The following WWC1 variants were observed in gnomAD, a reference collection of about 807,000 sequenced individuals.
The protein encoded by WWC1 is WW and C2 domain containing 1.
WWC1 carries 55 observed loss-of-function variants against 138.4 expected under a neutral mutation model. The ratio of observed to expected loss-of-function variants is 0.40; its 90% CI spans 0.32 to 0.50. The LOEUF (loss-of-function observed/expected upper bound fraction) is 0.50. WWC1 is among the 20% of genes least tolerant of loss of function. WWC1 has a pLI of 0.72. For synonymous variants in WWC1, 524 were observed against 564.9 expected (o/e 0.93, Z 1.03); for missense variants, 1,226 against 1,420.4 (o/e 0.86, Z 2.20).
At chr5:168,367,424 C>T (rs925508432) in intron 1 of WWC1, among the ~76,000 whole-genome samples, 13 of 151,786 alleles carry the variant, frequency 8.6e-5, no homozygotes, top group African/African-American at 2.7e-4. Context: ...CTCCGCCTCC[C>T]GGGTTCACGC....
intron 17 of WWC1, among the ~76,000 whole-genome samples, chr5:168,451,581 G>A (rs2337220): frequency 0.11 from 16,594 of 152,018 alleles, 1,267 homozygotes; most frequent in Non-Finnish European, 0.16. Context: ...CGTGCCTGTA[G>A]TACTAGCTAC....
At chr5:168,402,307 A>G (rs1318106624) in intron 5 of WWC1, among the ~76,000 whole-genome samples, 1 of 152,226 alleles carries the variant, frequency 6.6e-6, no homozygotes, top group Non-Finnish European at 1.5e-5. Context: ...AGGGTCAGGA[A>G]TGTAGTCTTG....
chr5:168,359,232 A>G (rs947811896), intron 1 of WWC1, among the ~76,000 whole-genome samples: 13 of 151,826 alleles, frequency 8.6e-5, no homozygotes, highest in African/African-American at 3.1e-4. Context: ...ATTTTTTTGT[A>G]TTGGAGAGAC....
At chr5:168,460,457 T>C (rs1756706695) in intron 19 of WWC1, among the ~76,000 whole-genome samples, 193 bp from the exon 20 acceptor site, 2 of 152,234 alleles carry the variant, frequency 1.3e-5, no homozygotes, top group South Asian at 4.1e-4. Flanking sequence ...TGAAGCAGTA[T>C]GCATCATGCA....
At chr5:168,322,722 C>A (rs376044345) in intron 1 of WWC1, among the ~76,000 whole-genome samples, 10 of 152,172 alleles carry the variant, frequency 6.6e-5, no homozygotes, top group African/African-American at 2.4e-4. Context: ...AGAGACAGGT[C>A]GGTCTGGACC....
At chr5:168,386,034 G>A (rs939920999) in intron 3 of WWC1, among the ~76,000 whole-genome samples, 4 of 151,662 alleles carry the variant, frequency 2.6e-5, no homozygotes, top group Non-Finnish European at 5.9e-5. Context: ...ACCCCACCCT[G>A]TAATTTTCCA....
At chr5:168,317,522 C>T (rs991600382) in intron 1 of WWC1, among the ~76,000 whole-genome samples, 58 of 152,192 alleles carry the variant, frequency 3.8e-4, no homozygotes, top group African/African-American at 1.3e-3. Context: ...GATGACTCTC[C>T]AGACCCATGC....
intron 1 of WWC1, among the ~76,000 whole-genome samples, chr5:168,302,348 C>T (rs1394301736): frequency 6.6e-6 from 1 of 152,142 alleles, no homozygotes; most frequent in South Asian, 2.1e-4. Context: ...GTTGCCAGAG[C>T]GGAGGATCAG....
At chr5:168,454,492 A>G (rs770672560) in intron 18 of WWC1, among the ~76,000 whole-genome samples, 2 of 152,166 alleles carry the variant, frequency 1.3e-5, no homozygotes, top group Non-Finnish European at 2.9e-5. Flanking sequence ...CTAAAAATAT[A>G]TTTCTTTATG....
rs1756726998 is a variant in WWC1 at position 168,460,701 on chromosome 5, G to T, written c.2875G>T (p.Val959Phe). ...SSTLSKKPPF[V>F]RNSLERRSVR... ...CACTCTGTCCAAAAAGCCACCTTTTGTTCGAAACTCCCTGGAGCGACGCAG... is the reference window on the plus strand; with the variant it reads ...CACTCTGTCCAAAAAGCCACCTTTTTTTCGAAACTCCCTGGAGCGACGCAG... The change falls in exon 20 of 23, where the codon GTT becomes TTT. Residue 959 changes from valine (V) to phenylalanine (F), a missense_variant. Val to Phe is a conservative substitution (Grantham distance 50, BLOSUM62 -1). Transcript: ENST00000265293. The T allele has an allele frequency of 6.2e-7, 1 of 1,614,140 alleles. No individual in the cohort carries two copies. The highest frequency in any genetic ancestry group is 8.5e-7 in the Non-Finnish European group (1 of 1,180,036).
At chr5:168,391,396 C>A (rs921444483) in intron 3 of WWC1, among the ~76,000 whole-genome samples, 7 of 152,128 alleles carry the variant, frequency 4.6e-5, no homozygotes, top group Admixed American at 2.6e-4. Flanking sequence ...CGCGGTGGCT[C>A]ACGCCTGTAA....
chr5:168,433,191 G>A (rs372657030), intron 15 of WWC1, among the ~76,000 whole-genome samples: 23 of 152,212 alleles, frequency 1.5e-4, no homozygotes, highest in African/African-American at 5.3e-4. Flanking sequence ...TAACTAAGGC[G>A]CTGAAGCAGC....
chr5:168,419,948 G>T (rs1780959684), intron 9 of WWC1, among the ~76,000 whole-genome samples: 1 of 152,186 alleles, frequency 6.6e-6, no homozygotes, highest in African/African-American at 2.4e-5. Flanking sequence ...TTGGTGTCAG[G>T]CATGCCTGGG....
intron 1 of WWC1, among the ~76,000 whole-genome samples, chr5:168,338,444 T>G (rs571543858): frequency 7.3e-5 from 11 of 150,302 alleles, no homozygotes; most frequent in Non-Finnish European, 1.6e-4. Context: ...TGAGTCTCAC[T>G]CTTGTCGCCC....
At chr5:168,375,767 G>A (rs182048231) in intron 2 of WWC1, among the ~76,000 whole-genome samples, 4 of 151,926 alleles carry the variant, frequency 2.6e-5, no homozygotes, top group Non-Finnish European at 4.4e-5. Context: ...TGGAGACAGG[G>A]TTTCACCTTG....
At chr5:168,442,439 CAAAAAA>C (rs11430085) in intron 16 of WWC1, among the ~76,000 whole-genome samples, 8 of 97,264 alleles carry the variant, frequency 8.2e-5, no homozygotes, top group African/African-American at 2.8e-4. Context: ...CTTGTCTCTA[CAAAAAA>C]AAAAAAAAAA....
At chr5:168,308,018 G>T (rs1236019850) in intron 1 of WWC1, among the ~76,000 whole-genome samples, 1 of 152,172 alleles carries the variant, frequency 6.6e-6, no homozygotes, top group Non-Finnish European at 1.5e-5. Flanking sequence ...TTTGGTGCCT[G>T]AACGGCCTGT....
chr5:168,385,258 G>T lies in WWC1; in HGVS notation c.277G>T (p.Glu93Ter). ...DPRVQWRREQ[E>*]HMLKDYLVVA... Reference sequence around the variant, plus strand: ...TCGAGTACAATGGCGGCGGGAGCAGGAACATATGCTGAAGGATTACCTGGT... The same window carrying T: ...TCGAGTACAATGGCGGCGGGAGCAGTAACATATGCTGAAGGATTACCTGGT... The change falls in exon 3 of 23, where the codon GAA becomes TAA. Residue 93 changes from glutamate to a stop codon, truncating the protein, a stop_gained. Coordinates refer to ENST00000265293, the MANE Select transcript of WWC1 (RefSeq NM_015238.3). LOFTEE classifies it high-confidence loss of function. 1 of 1,614,140 alleles carries T rather than the reference G, an allele frequency of 6.2e-7. No individual in the cohort carries two copies. Among genetic ancestry groups the T allele is most frequent in the South Asian group, 1.1e-5 (1 of 91,078 alleles).
chr5:168,303,943 C>G (rs1770317477), intron 1 of WWC1, among the ~76,000 whole-genome samples: 1 of 152,186 alleles, frequency 6.6e-6, no homozygotes, highest in Non-Finnish European at 1.5e-5. Context: ...CACCGCTATT[C>G]CCCTAGACCA....
Sources: gnomAD v4.1 joint callset for allele counts (sites outside exome capture counted in the v4.1 genomes callset) on GRCh38, gnomAD v4.1.1 for gene constraint, MANE v1.5 for transcripts, NCBI Gene and HGNC (gene_info 2026-07-23, HGNC 2026-07-21) for gene names.